Variants in ADARB2 observed in about 807,000 individuals in gnomAD.
The protein encoded by ADARB2 is adenosine deaminase RNA specific B2 (inactive).
In ADARB2, 25 loss-of-function variants were observed where a neutral mutation model predicts 62.2. The ratio of observed to expected loss-of-function variants is 0.40; its 90% CI spans 0.29 to 0.56. The LOEUF is 0.56. Among genes scored for constraint, ADARB2 ranks in the 20% least tolerant of loss-of-function variants. The probability of loss-of-function intolerance (pLI) is 0.43; values close to 1 mark genes in which losing one functional copy is unlikely to be tolerated. For missense variants in ADARB2, 1,071 were observed against 1,077.4 expected (o/e 0.99, Z 0.08); for synonymous variants, 572 against 500.8 (o/e 1.14, Z -1.90).
At chr10:1,310,735 A>G (rs1483508004) in intron 3 of ADARB2, among the ~76,000 whole-genome samples, 1 of 152,152 alleles carries the variant, frequency 6.6e-6, no homozygotes, top group Non-Finnish European at 1.5e-5. Flanking sequence ...GAGGCTCTCC[A>G]GGCCCCTGGC....
intron 6 of ADARB2, among the ~76,000 whole-genome samples, chr10:1,224,311 CTCTTT>C (rs1463745750): frequency 5.3e-5 from 8 of 152,122 alleles, no homozygotes; most frequent in African/African-American, 1.9e-4. Context: ...TGATTCTTCT[CTCTTT>C]TCTTCTTTAT....
At chr10:1,655,445 C>T (rs1276269591) in intron 1 of ADARB2, among the ~76,000 whole-genome samples, 2 of 152,182 alleles carry the variant, frequency 1.3e-5, no homozygotes, top group Admixed American at 6.5e-5. Context: ...CTTGTCGGGT[C>T]CATCAGAGGT....
At chr10:1,475,923 G>C (rs1045080363) in intron 1 of ADARB2, among the ~76,000 whole-genome samples, 7 of 152,166 alleles carry the variant, frequency 4.6e-5, no homozygotes, top group African/African-American at 1.4e-4. Flanking sequence ...TACAAAACAC[G>C]AACATTTTTG....
At chr10:1,405,893 G>A (rs1170659709) in intron 1 of ADARB2, among the ~76,000 whole-genome samples, 4 of 149,898 alleles carry the variant, frequency 2.7e-5, no homozygotes, top group South Asian at 2.1e-4. Context: ...TGATGCACCT[G>A]TTTATTAAAC....
In ADARB2 at chr10:1,662,502, G is replaced by C. The variant is rs1006111659; in HGVS notation, c.100+74549C>G. 2.0e-5 allele frequency among the ~76,000 whole-genome samples: 3 copies of C among 152,184 alleles called. No homozygotes were observed. In the South Asian group the frequency reaches 6.2e-4, roughly 32 times the overall value. On this transcript the variant is annotated intron_variant, in intron 1 of 9. Coordinates refer to ENST00000381312, the MANE Select transcript of ADARB2 (RefSeq NM_018702.4). ...TTCAGAGGACTCAGTGCAGCCACGTGGGCCCAGACTTCTGACTCACGGAAC... is the reference window on the plus strand; with the variant it reads ...TTCAGAGGACTCAGTGCAGCCACGTCGGCCCAGACTTCTGACTCACGGAAC...
chr10:1,322,546 T>C (rs947568562), intron 3 of ADARB2, among the ~76,000 whole-genome samples: 3 of 152,118 alleles, frequency 2.0e-5, no homozygotes, highest in African/African-American at 7.2e-5. Flanking sequence ...GAGGCTAATA[T>C]TGAGGAAGGA....
At chr10:1,405,629 C>CA (rs3029747) in intron 1 of ADARB2, among the ~76,000 whole-genome samples, 10,773 of 86,650 alleles carry the variant, frequency 0.12, 602 homozygotes, top group East Asian at 0.18. Flanking sequence ...GATTCAGTCT[C>CA]AAAAAAAAAA....
chr10:1,666,526 C>T (rs542755501), intron 1 of ADARB2, among the ~76,000 whole-genome samples: 1 of 152,374 alleles, frequency 6.6e-6, no homozygotes, highest in South Asian at 2.1e-4. Flanking sequence ...ACGCCGCTGC[C>T]AGCCCATTAG....
chr10:1,420,329 G>C (rs139842618), intron 1 of ADARB2, among the ~76,000 whole-genome samples: 20 of 152,208 alleles, frequency 1.3e-4, no homozygotes, highest in Admixed American at 7.9e-4. Flanking sequence ...GAGTAGCACA[G>C]ACAGATATGT....
intron 1 of ADARB2, among the ~76,000 whole-genome samples, chr10:1,647,344 T>C (rs1470875084): frequency 3.9e-5 from 6 of 152,244 alleles, no homozygotes. Context: ...TATGTGTGCA[T>C]GTATATATGT....
chr10:1,716,428 T>G (rs1389717901), intron 1 of ADARB2, among the ~76,000 whole-genome samples: 1 of 152,278 alleles, frequency 6.6e-6, no homozygotes, highest in Non-Finnish European at 1.5e-5. Flanking sequence ...AGCTCCATTA[T>G]GAAGCAGCCA....
At chr10:1,350,935 G>A (rs926572361) in intron 3 of ADARB2, among the ~76,000 whole-genome samples, 4 of 152,092 alleles carry the variant, frequency 2.6e-5, no homozygotes, top group African/African-American at 4.8e-5. Context: ...ACAAACCCCC[G>A]CCATATCTCC....
intron 3 of ADARB2, among the ~76,000 whole-genome samples, chr10:1,360,126 C>T (rs562372758): frequency 6.6e-6 from 1 of 152,288 alleles, no homozygotes; most frequent in Non-Finnish European, 1.5e-5. Flanking sequence ...GTGGGGTGAG[C>T]CTGGGACTGT....
At chr10:1,324,812 G>A (rs567746892) in intron 3 of ADARB2, among the ~76,000 whole-genome samples, 40 of 152,196 alleles carry the variant, frequency 2.6e-4, no homozygotes, top group African/African-American at 8.7e-4. Flanking sequence ...AGTGCAGGTG[G>A]GCACACAACC....
chr10:1,487,856 G>A (rs757509487), intron 1 of ADARB2, among the ~76,000 whole-genome samples: 20 of 152,064 alleles, frequency 1.3e-4, no homozygotes, highest in Admixed American at 2.0e-4. Context: ...AACACGTGCC[G>A]CGGGTGTGAG....
intron 4 of ADARB2, among the ~76,000 whole-genome samples, chr10:1,248,068 C>T (rs116188640): frequency 0.027 from 4,168 of 152,246 alleles, 192 homozygotes; most frequent in African/African-American, 0.095. Flanking sequence ...GAGGCTGGGT[C>T]GGGGATGCTC....
At chr10:1,576,171 A>C (rs2131996782) in intron 1 of ADARB2, among the ~76,000 whole-genome samples, 1 of 76,260 alleles carries the variant, frequency 1.3e-5, no homozygotes, top group Non-Finnish European at 2.7e-5. Context: ...AGGGGGGTTC[A>C]GGGTCACAGG....
At chr10:1,492,913 C>T (rs369659447) in intron 1 of ADARB2, among the ~76,000 whole-genome samples, 13 of 152,258 alleles carry the variant, frequency 8.5e-5, no homozygotes, top group South Asian at 8.3e-4. Context: ...GCTGCTGACA[C>T]GGAGCTCAGG....
intron 1 of ADARB2, among the ~76,000 whole-genome samples, chr10:1,414,285 A>G (rs1173935966): frequency 6.6e-6 from 1 of 152,230 alleles, no homozygotes; most frequent in African/African-American, 2.4e-5. Flanking sequence ...GACATAATGT[A>G]AAAGAGTCTT....
Sources: gnomAD v4.1 joint callset for allele counts (sites outside exome capture counted in the v4.1 genomes callset) on GRCh38, gnomAD v4.1.1 for gene constraint, MANE v1.5 for transcripts, NCBI Gene and HGNC (gene_info 2026-07-23, HGNC 2026-07-21) for gene names.